MRAP: variants seen among roughly 807,000 people sequenced by gnomAD.
The protein encoded by MRAP is melanocortin 2 receptor accessory protein, also known as melanocortin-2 receptor accessory protein.
MRAP carries 8 observed loss-of-function variants against 8.7 expected under a neutral mutation model. The ratio of observed to expected loss-of-function variants is 0.92; its 90% CI spans 0.54 to 1.66. The LOEUF is 1.66. MRAP is among the 40% of genes most tolerant of loss of function. The pLI, the probability that MRAP is intolerant of heterozygous loss-of-function variation, is 0.00. For missense variants in MRAP, 237 were observed against 217.1 expected, an observed-to-expected ratio of 1.09 and a Z score of -0.58; for synonymous variants, 95 against 95.5, an observed-to-expected ratio of 1.00 and a Z score of 0.03.
chr21:32,299,140 C>T, intron 1 of MRAP, 63 bp downstream of exon 1: 2 of 1,284,270 alleles, frequency 1.6e-6, no homozygotes, highest in Non-Finnish European at 2.2e-6. Context: ...AATGACTGGG[C>T]ACTCCCGGCT....
intron 1 of MRAP, among the ~76,000 whole-genome samples, chr21:32,304,267 G>A (rs2032351456): frequency 6.6e-6 from 1 of 152,134 alleles, no homozygotes; most frequent in African/African-American, 2.4e-5. Context: ...GGGAGTGTAG[G>A]ACAATGCACA....
At chr21:32,300,932 G>T (rs901184775) in intron 1 of MRAP, among the ~76,000 whole-genome samples, 1 of 151,742 alleles carries the variant, frequency 6.6e-6, no homozygotes, top group Non-Finnish European at 1.5e-5. Flanking sequence ...ATGATATATC[G>T]TGTATGTCAT....
Position 32,312,059 on chromosome 21 carries a change from G to A in MRAP, c.*63G>A, listed in dbSNP as rs1038830867. On this transcript the variant is annotated 3_prime_UTR_variant, in exon 3 of 3. Transcript: ENST00000303645. Reference sequence around the variant, plus strand: ...AAATCAAGCCAACCTGGACACATACGTTCCTCGTTCTTCTTAGAGGCCATT... The same window carrying A: ...AAATCAAGCCAACCTGGACACATACATTCCTCGTTCTTCTTAGAGGCCATT... 6.3e-5 allele frequency: 101 copies of A among 1,608,026 alleles called. No individual in the cohort carries two copies. The highest frequency in any genetic ancestry group is 7.5e-5 in the Non-Finnish European group (88 of 1,179,902).
upstream of MRAP, among the ~76,000 whole-genome samples, chr21:32,298,248 G>T (rs1053357479): frequency 1.3e-5 from 2 of 152,140 alleles, no homozygotes; most frequent in Admixed American, 6.5e-5. Flanking sequence ...TTTCCCAAGA[G>T]CTTGGACCAC....
upstream of MRAP, among the ~76,000 whole-genome samples, chr21:32,296,901 T>C (rs1259439010): frequency 6.6e-6 from 1 of 152,202 alleles, no homozygotes; most frequent in Non-Finnish European, 1.5e-5. Context: ...TGGACACTAC[T>C]GTAGACTTTA....
intron 2 of MRAP, chr21:32,311,127 C>T (rs1026682461): frequency 2.0e-5 from 3 of 153,300 alleles, no homozygotes; most frequent in African/African-American, 7.2e-5. Context: ...TTACATGACA[C>T]AGGCAAAAGG....
At position 32,312,237 on chromosome 21, in the gene MRAP, A is replaced by T. The variant is rs954295290; in HGVS notation, c.*241A>T. The T allele has an allele frequency of 4.2e-6, 6 of 1,432,610 alleles. No individual in the cohort carries two copies. The African/African-American group carries it at 7.2e-5, about 17-fold the overall frequency. The allele number at this position is 1,432,610 out of a possible 1,614,324, so 88.7% of individuals were successfully genotyped here. On this transcript the variant is annotated 3_prime_UTR_variant, in exon 3 of 3. Transcript: ENST00000303645. ...CACCTAGCCTGCTTGCTTACTGCTT[A>T]TATTTGCTCAGGGAAGAGTAGGAAA...
intron 1 of MRAP, among the ~76,000 whole-genome samples, chr21:32,300,677 G>GTTTCACGCGTCCTATGTCGGA (rs139653957): frequency 8.1e-6 from 1 of 123,488 alleles, no homozygotes; most frequent in African/African-American, 2.9e-5. Context: ...TATGTCGGAT[G>GTTTCACGCGTCCTATGTCGGA]TGTCACGCGT....
intron 2 of MRAP, among the ~76,000 whole-genome samples, chr21:32,293,436 C>T (rs531582943): frequency 5.3e-5 from 8 of 152,310 alleles, no homozygotes; most frequent in Non-Finnish European, 1.2e-4. Flanking sequence ...CACTAATGCA[C>T]CCAGGTTGCA....
chr21:32,311,404 C>CT (rs371710252), intron 2 of MRAP: 69 of 440,376 alleles, frequency 1.6e-4, no homozygotes, highest in African/African-American at 1.3e-3. Context: ...ACCTGCTCCC[C>CT]TCCACCCCCC....
At chr21:32,304,298 AAG>A (rs1299264095) in intron 1 of MRAP, among the ~76,000 whole-genome samples, 1 of 152,134 alleles carries the variant, frequency 6.6e-6, no homozygotes, top group Non-Finnish European at 1.5e-5. Flanking sequence ...AAGGAAGGCT[AAG>A]AGAGTCAGAG....
At position 32,299,073 on chromosome 21, in the gene MRAP, C is replaced by A; in HGVS notation, c.102C>A (p.His34Gln). 1 of 1,613,574 alleles carries A rather than the reference C, an allele frequency of 6.2e-7. No homozygotes were observed. The highest frequency in any genetic ancestry group is 8.5e-7 in the Non-Finnish European group (1 of 1,179,526). The change falls in exon 1 of 3, where the codon CAC becomes CAA. Residue 34 changes from histidine to glutamine, a missense_variant. Coordinates refer to ENST00000303645, the MANE Select transcript of MRAP (RefSeq NM_001379228.1). ...IPVDEKKLKAHKHSIVIAFWV... is the reference protein window; with the variant it reads ...IPVDEKKLKAQKHSIVIAFWV... ...TGGACGAGAAGAAGCTGAAAGCCCA[C>A]AAACGTAAGTCTGAACTAGGGAAGC... is the stretch of plus-strand genomic sequence containing the variant.
chr21:32,309,495 A>G (rs2032502260), intron 2 of MRAP, among the ~76,000 whole-genome samples: 1 of 150,924 alleles, frequency 6.6e-6, no homozygotes, highest in African/African-American at 2.4e-5. Flanking sequence ...TGTGTCACCC[A>G]GGCTGGAGTG....
intron 1 of MRAP, among the ~76,000 whole-genome samples, chr21:32,304,356 C>T (rs1432405493): frequency 6.6e-6 from 1 of 152,108 alleles, no homozygotes; most frequent in Non-Finnish European, 1.5e-5. Flanking sequence ...GTGACTCACG[C>T]CTGTAACCCC....
rs536450439 is a variant in MRAP, at chr21:32,299,117, G to A, written c.106+40G>A. On this transcript the variant is annotated intron_variant, in intron 1 of 2. Transcript: ENST00000303645. ...GGGAAGCCGGTCAGACAGAGGCTGG[G>A]GGCCGGGGCCCAAATGACTGGGCAC... 28 of 1,538,950 alleles carry A rather than the reference G, an allele frequency of 1.8e-5. No individual in the cohort carries two copies. The East Asian group carries it at 5.9e-4, about 32-fold the overall frequency.
At chr21:32,297,032 T>C (rs2032152781), upstream of MRAP, among the ~76,000 whole-genome samples, 1 of 152,268 alleles carries the variant, frequency 6.6e-6, no homozygotes, top group African/African-American at 2.4e-5. Context: ...TAATCTTATG[T>C]GACCACTGTT....
intron 2 of MRAP, among the ~76,000 whole-genome samples, chr21:32,309,136 G>A (rs527284855): frequency 2.6e-5 from 4 of 152,262 alleles, no homozygotes; most frequent in East Asian, 1.9e-4. Flanking sequence ...GCATGGCACC[G>A]ACATCTGCTT....
chr21:32,304,996 A>T, intron 1 of MRAP, among the ~76,000 whole-genome samples: 1 of 121,194 alleles, frequency 8.3e-6, no homozygotes, highest in Non-Finnish European at 1.6e-5. Flanking sequence ...TTTTTGAGAC[A>T]GCATCTTGCT....
downstream of MRAP, chr21:32,314,251 C>G (rs1028612130): frequency 5.7e-6 from 2 of 352,956 alleles, no homozygotes; most frequent in African/African-American, 4.2e-5. Context: ...ATGGCACGAT[C>G]TCAGCTCACT....
Sources: allele counts gnomAD v4.1 joint callset (sites outside exome capture counted in the v4.1 genomes callset), GRCh38; gene constraint gnomAD v4.1.1; transcripts MANE v1.5; gene names NCBI Gene and HGNC (gene_info 2026-07-23, HGNC 2026-07-21).